Variants in IQGAP2 observed in about 807,000 individuals in gnomAD.
IQGAP2 encodes ras GTPase-activating-like protein IQGAP2.
A neutral mutation model predicts 201.3 loss-of-function variants in IQGAP2; 173 were observed. That is an observed-to-expected ratio of 0.86 (90% CI 0.76 to 0.98). IQGAP2 has a LOEUF of 0.98. Ranked by LOEUF, IQGAP2 falls within the 50% of genes least tolerant of loss-of-function variation. The probability of loss-of-function intolerance (pLI) is 0.00; values close to 1 mark genes in which losing one functional copy is unlikely to be tolerated. For synonymous variants in IQGAP2, 675 were observed against 673.9 expected, an observed-to-expected ratio of 1.00 and a Z score of -0.03; for missense variants, 1,687 against 1,864.8, an observed-to-expected ratio of 0.90 and a Z score of 1.76.
At chr5:76,453,903 A>C (rs1212282784) in intron 1 of IQGAP2, among the ~76,000 whole-genome samples, 3 of 152,194 alleles carry the variant, frequency 2.0e-5, no homozygotes, top group African/African-American at 7.2e-5. Flanking sequence ...TCCAAACTAA[A>C]GATTTTTAAA....
chr5:76,693,966 T>C (rs563894695), intron 31 of IQGAP2: 33 of 152,454 alleles, frequency 2.2e-4, no homozygotes, highest in African/African-American at 7.7e-4. Flanking sequence ...AAATACGTCA[T>C]TGTTCGTTCT....
chr5:76,597,336 A>G (rs1747103692), intron 9 of IQGAP2, 103 bp from the exon 10 acceptor site: 1 of 1,186,554 alleles, frequency 8.4e-7, no homozygotes, highest in African/African-American at 1.5e-5. Flanking sequence ...GAGTTCATGA[A>G]AAGTAACTGC....
chr5:76,708,018 C>T lies in IQGAP2; in HGVS notation c.*705C>T, dbSNP rs1187022785. The T allele has an allele frequency of 6.6e-6, 1 of 152,614 alleles. No homozygotes were observed. The highest frequency in any genetic ancestry group is 2.4e-5 in the African/African-American group (1 of 41,430). 9.5% of individuals were successfully genotyped at this position (152,614 alleles called of 1,614,324 possible). A position where few individuals can be genotyped will look rare whatever the true frequency, so the allele number is the denominator to read the frequency against. ...CCACCCCTCACAATTTATTTGAATA[C>T]TTCAATTGTGCCTCTCAATTTTTTG... On this transcript the variant is annotated 3_prime_UTR_variant, in exon 36 of 36. Transcript: ENST00000274364.
chr5:76,657,812 C>T (rs146523671), intron 20 of IQGAP2, among the ~76,000 whole-genome samples: 131 of 152,322 alleles, frequency 8.6e-4, no homozygotes, highest in African/African-American at 3.0e-3. Flanking sequence ...ATAACAGGGG[C>T]TGACCCCTAG....
chr5:76,693,498 ATC>A, intron 31 of IQGAP2, 56 bp downstream of exon 31: 1 of 1,109,512 alleles, frequency 9.0e-7, no homozygotes. Flanking sequence ...TTCTTCATAA[ATC>A]TTTATGCCAT....
chr5:76,579,283 G>A lies in IQGAP2; in HGVS notation c.458+3514G>A, dbSNP rs184357440. On this transcript the variant is annotated intron_variant, in intron 5 of 35. Transcript: ENST00000274364. ...ACCCAGAATTGACATAATCTTCGTG[G>A]CACCAGAAACAAAAGAATACCCTTT... is the stretch of plus-strand genomic sequence containing the variant. 4.1e-4 allele frequency among the ~76,000 whole-genome samples: 62 copies of A among 151,942 alleles called. 2 individuals carry two copies. The highest frequency in any genetic ancestry group is 2.1e-3 in the East Asian group (11 of 5,164).
chr5:76,486,140 A>C (rs1756121868), intron 2 of IQGAP2, among the ~76,000 whole-genome samples: 1 of 152,238 alleles, frequency 6.6e-6, no homozygotes, highest in Admixed American at 6.5e-5. Flanking sequence ...TTCATTTAAA[A>C]TGTAGAAGAA....
At chr5:76,548,508 C>T (rs1455612132) in intron 2 of IQGAP2, among the ~76,000 whole-genome samples, 1 of 152,166 alleles carries the variant, frequency 6.6e-6, no homozygotes, top group African/African-American at 2.4e-5. Flanking sequence ...CCCTGTTCAC[C>T]CTATTAATCT....
chr5:76,594,896 G>A (rs796249704), intron 9 of IQGAP2, among the ~76,000 whole-genome samples: 6 of 152,058 alleles, frequency 3.9e-5, no homozygotes, highest in Admixed American at 1.3e-4. Flanking sequence ...AATGTGGGAG[G>A]TGGAGGATGC....
At chr5:76,507,070 GAGA>G (rs1241285248) in intron 2 of IQGAP2, among the ~76,000 whole-genome samples, 3 of 152,152 alleles carry the variant, frequency 2.0e-5, no homozygotes, top group African/African-American at 4.8e-5. Context: ...AATATTGAAG[GAGA>G]AGAACAAAGT....
intron 16 of IQGAP2, 55 bp from the exon 17 acceptor site, chr5:76,640,878 T>C: frequency 1.6e-6 from 2 of 1,232,132 alleles, no homozygotes; most frequent in East Asian, 4.8e-5. Context: ...AGCTATTCTA[T>C]GTGTGCCTTT....
At chr5:76,522,942 C>T (rs1204622179) in intron 2 of IQGAP2, among the ~76,000 whole-genome samples, 2 of 151,830 alleles carry the variant, frequency 1.3e-5, no homozygotes, top group South Asian at 2.1e-4. Context: ...AGTAAATGAC[C>T]CCGTTTTCTT....
intron 1 of IQGAP2, among the ~76,000 whole-genome samples, chr5:76,448,478 T>C (rs1286462651): frequency 1.3e-5 from 2 of 152,118 alleles, no homozygotes; most frequent in Non-Finnish European, 1.5e-5. Flanking sequence ...GATATCAAGA[T>C]GAAAGGAAGG....
At chr5:76,594,503 A>C (rs1450825506) in intron 9 of IQGAP2, among the ~76,000 whole-genome samples, 2 of 152,194 alleles carry the variant, frequency 1.3e-5, no homozygotes, top group Admixed American at 6.5e-5. Context: ...AAACCGGCTG[A>C]AAATATGAAA....
intron 2 of IQGAP2, among the ~76,000 whole-genome samples, chr5:76,549,989 TCAA>T (rs989856580): frequency 5.3e-5 from 8 of 152,134 alleles, no homozygotes; most frequent in Non-Finnish European, 1.2e-4. Flanking sequence ...TCACCTGCAT[TCAA>T]CAACCTAAGC....
intron 32 of IQGAP2, among the ~76,000 whole-genome samples, chr5:76,697,643 A>AT (rs1443951227): frequency 3.3e-5 from 5 of 152,198 alleles, no homozygotes; most frequent in African/African-American, 1.2e-4. Context: ...CTAAAAAAAA[A>AT]AGTCTGAAGA....
chr5:76,429,295 G>A (rs1373700191), intron 1 of IQGAP2, among the ~76,000 whole-genome samples: 1 of 151,300 alleles, frequency 6.6e-6, no homozygotes, highest in African/African-American at 2.4e-5. Context: ...ATGTTAGGCT[G>A]GGCGTGGTGG....
At chr5:76,600,103 G>A (rs572532194) in intron 10 of IQGAP2, among the ~76,000 whole-genome samples, 93 of 152,100 alleles carry the variant, frequency 6.1e-4, no homozygotes, top group Middle Eastern at 3.4e-3. Flanking sequence ...AGCCTAGATC[G>A]TGCCATTGCA....
chr5:76,671,543 G>A (rs35787934), intron 23 of IQGAP2, among the ~76,000 whole-genome samples: 25,221 of 151,680 alleles, frequency 0.17, 2,338 homozygotes, highest in South Asian at 0.35. Flanking sequence ...AAGTAGCCCC[G>A]GGCATGTGGT....
Sources: allele counts gnomAD v4.1 joint callset (sites outside exome capture counted in the v4.1 genomes callset), GRCh38; gene constraint gnomAD v4.1.1; transcripts MANE v1.5; gene names NCBI Gene and HGNC (gene_info 2026-07-23, HGNC 2026-07-21).